SSBP2: variants seen among roughly 807,000 people sequenced by gnomAD.
SSBP2 encodes the protein single-stranded DNA-binding protein 2.
A neutral mutation model predicts 61.8 loss-of-function variants in SSBP2; 17 were observed. That is an observed-to-expected ratio of 0.28 (90% CI 0.19 to 0.41). The LOEUF (loss-of-function observed/expected upper bound fraction) is 0.41. Ranked by LOEUF, SSBP2 falls within the 10% of genes least tolerant of loss-of-function variation. The probability of loss-of-function intolerance (pLI) is 1.00; values close to 1 mark genes in which losing one functional copy is unlikely to be tolerated. For synonymous variants in SSBP2, 139 were observed against 141.3 expected (o/e 0.98, Z 0.12); for missense variants, 310 against 458.7 (o/e 0.68, Z 2.96).
chr5:81,510,617 C>T (rs919983798), intron 5 of SSBP2, among the ~76,000 whole-genome samples: 5 of 151,932 alleles, frequency 3.3e-5, no homozygotes, highest in African/African-American at 7.3e-5. Flanking sequence ...AAAAATTAGC[C>T]GGGCGTGGTG....
At chr5:81,560,049 C>T (rs894516128) in intron 4 of SSBP2, among the ~76,000 whole-genome samples, 8 of 152,232 alleles carry the variant, frequency 5.3e-5, no homozygotes, top group African/African-American at 1.4e-4. Context: ...AATATGATTG[C>T]TTCCCCAGAA....
At chr5:81,643,049 T>A (rs1366998979) in intron 2 of SSBP2, among the ~76,000 whole-genome samples, 1 of 152,204 alleles carries the variant, frequency 6.6e-6, no homozygotes, top group East Asian at 1.9e-4. Flanking sequence ...GAAAATCACA[T>A]TTCCTAACCT....
At chr5:81,535,176 T>C (rs1299199494) in intron 4 of SSBP2, among the ~76,000 whole-genome samples, 1 of 152,074 alleles carries the variant, frequency 6.6e-6, no homozygotes, top group Non-Finnish European at 1.5e-5. Flanking sequence ...CTATTTACAT[T>C]ATTACCCCAA....
chr5:81,655,735 T>C (rs1335227135), intron 1 of SSBP2, among the ~76,000 whole-genome samples: 2 of 152,188 alleles, frequency 1.3e-5, no homozygotes, highest in Non-Finnish European at 1.5e-5. Context: ...ATGTGATGGA[T>C]ACTAGACTCA....
intron 1 of SSBP2, among the ~76,000 whole-genome samples, chr5:81,670,751 A>C (rs1751527078): frequency 6.6e-6 from 1 of 152,124 alleles, no homozygotes; most frequent in Non-Finnish European, 1.5e-5. Context: ...TTGGCATTTA[A>C]ATCTACTTTG....
At chr5:81,448,850 ATTTTTGATTCATGTAGCAATATGGAC>A (rs751114728) in intron 10 of SSBP2, 25 bp from the exon 11 acceptor site, 1 of 1,606,200 alleles carries the variant, frequency 6.2e-7, no homozygotes, top group South Asian at 1.1e-5. Context: ...GGACAAAAAA[ATTTTTGATTCATGTAGCAATATGGAC>A]ACTGACCTAA....
Position 81,440,619 on chromosome 5 carries a change from C to T in SSBP2, c.867G>A (p.Gly289=). The T allele has an allele frequency of 4.4e-6, 7 of 1,607,946 alleles. No homozygotes were observed. Among genetic ancestry groups the T allele is most frequent in the Non-Finnish European group, 5.9e-6 (7 of 1,177,998 alleles). ...CTAATCCACCCATGGGACCATCTGA[C>T]CCAGGACCCATTGGAAACTATTTTA... The change falls in exon 14 of 17, where the codon GGG becomes GGA. Residue 289 remains glycine, a synonymous_variant. Transcript: ENST00000320672.
chr5:81,476,927 TATC>T (rs1309779151), intron 6 of SSBP2, among the ~76,000 whole-genome samples: 2 of 152,206 alleles, frequency 1.3e-5, no homozygotes, highest in Admixed American at 6.5e-5. Flanking sequence ...AATCTATTAC[TATC>T]ATCATTTATT....
chr5:81,606,901 A>G (rs539267083), intron 4 of SSBP2, among the ~76,000 whole-genome samples: 2 of 152,328 alleles, frequency 1.3e-5, no homozygotes, highest in African/African-American at 4.8e-5. Flanking sequence ...CAAGTTCCCA[A>G]TGTTGTTTCA....
intron 4 of SSBP2, among the ~76,000 whole-genome samples, chr5:81,607,347 A>C (rs539336583): frequency 1.1e-4 from 16 of 152,318 alleles, no homozygotes; most frequent in African/African-American, 3.6e-4. Context: ...CTCATTCAGA[A>C]ATAGTATGCC....
intron 6 of SSBP2, among the ~76,000 whole-genome samples, chr5:81,480,405 T>C (rs1473586258): frequency 5.3e-5 from 8 of 152,246 alleles, no homozygotes; most frequent in Non-Finnish European, 1.0e-4. Flanking sequence ...AGGTGTGCAA[T>C]AGCATTATGT....
intron 4 of SSBP2, among the ~76,000 whole-genome samples, chr5:81,596,666 G>A (rs1256694627): frequency 6.0e-5 from 3 of 49,852 alleles, no homozygotes; most frequent in African/African-American, 3.8e-4. Context: ...ACAGAACGGA[G>A]CTCTCAGAAA....
intron 4 of SSBP2, among the ~76,000 whole-genome samples, chr5:81,614,550 G>A (rs144629188): frequency 8.0e-4 from 122 of 151,948 alleles, no homozygotes; most frequent in African/African-American, 2.8e-3. Context: ...CCTTTTGAGC[G>A]CTGGTTCTGG....
chr5:81,702,798 C>G (rs1754084057), intron 1 of SSBP2, among the ~76,000 whole-genome samples: 1 of 152,184 alleles, frequency 6.6e-6, no homozygotes, highest in Non-Finnish European at 1.5e-5. Context: ...CCCTGAAGAG[C>G]TACATAGTAT....
At chr5:81,637,846 A>T (rs2153678502) in intron 2 of SSBP2, among the ~76,000 whole-genome samples, 1 of 152,330 alleles carries the variant, frequency 6.6e-6, no homozygotes, top group Middle Eastern at 3.4e-3. Context: ...AAGACTTGGA[A>T]CCAACCCGAA....
chr5:81,577,452 C>T (rs1774297999), intron 4 of SSBP2, among the ~76,000 whole-genome samples: 1 of 151,880 alleles, frequency 6.6e-6, no homozygotes, highest in Non-Finnish European at 1.5e-5. Context: ...TGCTAAAGGT[C>T]CCCTATGTTT....
intron 1 of SSBP2, among the ~76,000 whole-genome samples, chr5:81,711,384 A>G (rs530324130): frequency 6.6e-6 from 1 of 152,256 alleles, no homozygotes; most frequent in South Asian, 2.1e-4. Context: ...TTTATCTAAA[A>G]AAGAAACATT....
chr5:81,465,188 C>A (rs2154007130), intron 9 of SSBP2, among the ~76,000 whole-genome samples: 1 of 151,906 alleles, frequency 6.6e-6, no homozygotes, highest in African/African-American at 2.4e-5. Context: ...AAATGGAGAT[C>A]AGAGTCTGTA....
intron 1 of SSBP2, among the ~76,000 whole-genome samples, chr5:81,658,154 G>T (rs933318924): frequency 6.6e-6 from 1 of 152,058 alleles, no homozygotes; most frequent in African/African-American, 2.4e-5. Flanking sequence ...TTGTACAATA[G>T]ATCTCTTGAA....
Sources: gnomAD v4.1 joint callset for allele counts (sites outside exome capture counted in the v4.1 genomes callset) on GRCh38, gnomAD v4.1.1 for gene constraint, MANE v1.5 for transcripts, NCBI Gene and HGNC (gene_info 2026-07-23, HGNC 2026-07-21) for gene names.